The following CEP128 variants were observed in gnomAD, a reference collection of about 807,000 sequenced individuals.
CEP128 encodes the protein centrosomal protein 128.
Under a neutral mutation model 156.7 loss-of-function variants are expected in CEP128, and 132 were observed. That is an observed-to-expected ratio of 0.84 (90% CI 0.73 to 0.97). The LOEUF (loss-of-function observed/expected upper bound fraction) is 0.97, where lower values mean the gene tolerates loss of function less well. CEP128 is among the 50% of genes least tolerant of loss of function. The pLI is 0.00. For missense variants in CEP128, 1,252 were observed against 1,281.9 expected (o/e 0.98, Z 0.36); for synonymous variants, 469 against 448.9 (o/e 1.04, Z -0.57).
Position 80,861,493 on chromosome 14 carries a change from C to T in CEP128, c.762+1264G>A, listed in dbSNP as rs568419793. On this transcript the variant is annotated intron_variant, in intron 9 of 24. Coordinates refer to ENST00000555265, the MANE Select transcript of CEP128 (RefSeq NM_152446.5). Reference sequence around the variant, plus strand: ...ATATGATACTATGGGAAGGACATAACTCCAATTATCTGAGTTTCAAGCCAA... The same window carrying T: ...ATATGATACTATGGGAAGGACATAATTCCAATTATCTGAGTTTCAAGCCAA... Among the ~76,000 whole-genome samples the T allele has an allele frequency of 4.1e-4, 62 of 152,134 alleles. 1 individual carries two copies. The highest frequency in any genetic ancestry group is 7.1e-4 in the Non-Finnish European group (48 of 67,968).
chr14:80,937,239 C>G (rs1885858621), intron 2 of CEP128, among the ~76,000 whole-genome samples: 1 of 152,064 alleles, frequency 6.6e-6, no homozygotes. Flanking sequence ...GAGGATTTCT[C>G]AAACCTGGGA....
intron 16 of CEP128, among the ~76,000 whole-genome samples, chr14:80,769,838 A>AT (rs1900427955): frequency 6.6e-6 from 1 of 152,298 alleles, no homozygotes; most frequent in South Asian, 2.1e-4. Context: ...TGAAAAAAAA[A>AT]CTCAATGAAA....
intron 21 of CEP128, among the ~76,000 whole-genome samples, chr14:80,552,643 TA>T (rs1890257088): frequency 6.6e-6 from 1 of 152,222 alleles, no homozygotes; most frequent in South Asian, 2.1e-4. Context: ...TCTGTGGTTT[TA>T]ATTAGTGCCT....
intron 21 of CEP128, among the ~76,000 whole-genome samples, chr14:80,557,903 C>G (rs1276392226): frequency 6.6e-6 from 1 of 151,818 alleles, no homozygotes; most frequent in East Asian, 1.9e-4. Flanking sequence ...TTTTCTTAGC[C>G]TTTTTAAATG....
intron 23 of CEP128, among the ~76,000 whole-genome samples, chr14:80,516,816 T>C (rs911855418): frequency 1.3e-5 from 2 of 152,170 alleles, no homozygotes; most frequent in African/African-American, 2.4e-5. Context: ...CTGCCAGAAG[T>C]TGGGGGAGGA....
intron 21 of CEP128, among the ~76,000 whole-genome samples, chr14:80,557,467 T>A (rs948947661): frequency 2.0e-5 from 3 of 152,210 alleles, no homozygotes; most frequent in Non-Finnish European, 4.4e-5. Context: ...GTACACCAAA[T>A]CCAGGTCTTC....
chr14:80,876,941 G>C (rs1411307198), intron 8 of CEP128, among the ~76,000 whole-genome samples: 1 of 152,076 alleles, frequency 6.6e-6, no homozygotes, highest in Non-Finnish European at 1.5e-5. Context: ...GTAAATCTAA[G>C]GGTAAACCTA....
chr14:80,561,917 T>TATATATATATA (rs1463564179), intron 20 of CEP128, among the ~76,000 whole-genome samples: 1 of 148,096 alleles, frequency 6.8e-6, no homozygotes, highest in Non-Finnish European at 1.5e-5. Context: ...TATATATTTG[T>TATATATATATA]TTTGTTTTGT....
intron 18 of CEP128, among the ~76,000 whole-genome samples, chr14:80,755,152 C>T (rs1482068619): frequency 2.0e-5 from 3 of 152,058 alleles, no homozygotes; most frequent in Admixed American, 2.0e-4. Flanking sequence ...ACAGACTGGT[C>T]GAGCCTCCCA....
At chr14:80,801,621 A>G (rs1324256651) in intron 13 of CEP128, among the ~76,000 whole-genome samples, 1 of 152,098 alleles carries the variant, frequency 6.6e-6, no homozygotes. Flanking sequence ...AAAACAACTC[A>G]ACATCGGTCA....
Position 80,792,925 on chromosome 14 carries a change from G to T in CEP128, c.1395C>A (p.Leu465=). 1 of 1,614,140 alleles carries T rather than the reference G, an allele frequency of 6.2e-7. No homozygotes were observed. Among genetic ancestry groups the T allele is most frequent in the Admixed American group, 1.7e-5 (1 of 59,998 alleles). ...TKQAERYLSE[L]QQSEALKEEA... ...CCTCTTTCAGAGCCTCTGACTGCTG[G>T]AGCTCACTGAGGTACCGCTCAGCCT... The change falls in exon 14 of 25, where the codon CTC becomes CTA. Residue 465 remains leucine, a synonymous_variant. Coordinates refer to ENST00000555265, the MANE Select transcript of CEP128 (RefSeq NM_152446.5).
intron 19 of CEP128, among the ~76,000 whole-genome samples, chr14:80,690,810 T>G (rs527693998): frequency 6.6e-6 from 1 of 152,292 alleles, no homozygotes; most frequent in East Asian, 1.9e-4. Context: ...TCATTATATA[T>G]GAAAAATCCT....
chr14:80,937,351 C>T (rs1363270682), intron 2 of CEP128, among the ~76,000 whole-genome samples: 3 of 151,776 alleles, frequency 2.0e-5, no homozygotes, highest in Non-Finnish European at 2.9e-5. Flanking sequence ...AGACGTTGAC[C>T]CAGAAAATCT....
At chr14:80,552,723 T>C (rs1890260431) in intron 21 of CEP128, among the ~76,000 whole-genome samples, 1 of 152,232 alleles carries the variant, frequency 6.6e-6, no homozygotes, top group African/African-American at 2.4e-5. Context: ...CTTATGCACT[T>C]TGCCCTTCTT....
At chr14:80,504,682 T>A (rs533131563) in intron 24 of CEP128, among the ~76,000 whole-genome samples, 6 of 152,172 alleles carry the variant, frequency 3.9e-5, no homozygotes, top group Admixed American at 1.3e-4. Context: ...TCACCTTGGG[T>A]GGTTATTTAA....
At chr14:80,800,808 T>C (rs1033905296) in intron 13 of CEP128, among the ~76,000 whole-genome samples, 5 of 152,312 alleles carry the variant, frequency 3.3e-5, no homozygotes, top group South Asian at 2.1e-4. Flanking sequence ...AAGTACTGAT[T>C]GGGGTGCATA....
intron 2 of CEP128, among the ~76,000 whole-genome samples, chr14:80,918,561 A>C (rs1328995290): frequency 6.6e-6 from 1 of 152,230 alleles, no homozygotes; most frequent in Non-Finnish European, 1.5e-5. Flanking sequence ...AGTAATTATA[A>C]GTAGAATGCA....
chr14:80,758,578 G>C (rs1369798758), intron 17 of CEP128, among the ~76,000 whole-genome samples: 1 of 149,800 alleles, frequency 6.7e-6, no homozygotes, highest in Non-Finnish European at 1.5e-5. Context: ...GTCTGGGACA[G>C]AGAACACAAT....
intron 19 of CEP128, among the ~76,000 whole-genome samples, chr14:80,731,109 C>CA (rs1038573295): frequency 6.6e-6 from 1 of 152,090 alleles, no homozygotes; most frequent in African/African-American, 2.4e-5. Context: ...ACATTCTTAA[C>CA]AAAAAAACTT....
Sources: gnomAD v4.1 joint callset for allele counts (sites outside exome capture counted in the v4.1 genomes callset) on GRCh38, gnomAD v4.1.1 for gene constraint, MANE v1.5 for transcripts, NCBI Gene and HGNC (gene_info 2026-07-23, HGNC 2026-07-21) for gene names.